Variants in NADK observed in about 807,000 individuals in gnomAD.
NADK encodes NAD kinase.
NADK carries 22 observed loss-of-function variants against 49.8 expected under a neutral mutation model. The ratio of observed to expected loss-of-function variants is 0.44; its 90% CI spans 0.32 to 0.63. The LOEUF (loss-of-function observed/expected upper bound fraction) is 0.63. Ranked by LOEUF, NADK falls within the 30% of genes least tolerant of loss-of-function variation. The pLI, the probability that NADK is intolerant of heterozygous loss-of-function variation, is 0.06. For synonymous variants in NADK, 268 were observed against 253.7 expected (o/e 1.06, Z -0.54); for missense variants, 438 against 609.4 (o/e 0.72, Z 2.96).
chr1:1,760,977 G>A (rs2100321614), intron 3 of NADK, among the ~76,000 whole-genome samples: 1 of 152,192 alleles, frequency 6.6e-6, no homozygotes, highest in Non-Finnish European at 1.5e-5. Flanking sequence ...CTACAGGTGT[G>A]TGCAACGATG....
rs1340366532 is a variant in NADK, at chr1:1,773,707, TGTGTGTGTGTGTGTGTGTGTGTGA to T, written c.-41+4558_-41+4581del. Among the ~76,000 whole-genome samples the T allele has an allele frequency of 1.8e-3, 197 of 107,140 alleles. 3 individuals carry two copies. Among genetic ancestry groups the T allele is most frequent in the Middle Eastern group, 4.5e-3 (1 of 224 alleles). 70.3% of individuals were successfully genotyped at this position (107,140 alleles called of 152,430 possible). A position where few individuals can be genotyped will look rare whatever the true frequency, so the allele number is the denominator to read the frequency against. On this transcript the variant is annotated intron_variant, in intron 1 of 11. Transcript: ENST00000341426. ...GTGTGTGTGTGTGTGTGTGTGTGTG[TGTGTGTGTGTGTGTGTGTGTGTGA>T]GAGAGAGAGAGAAATAGAGATATTG...
At chr1:1,756,161 A>G in intron 6 of NADK, 97 bp downstream of exon 6, 1 of 1,171,408 alleles carries the variant, frequency 8.5e-7, no homozygotes, top group Non-Finnish European at 1.3e-6. Context: ...CTCTCGTATA[A>G]AGGGGTGAAA....
At chr1:1,777,027 A>AT (rs1646232457) in intron 1 of NADK, among the ~76,000 whole-genome samples, 1 of 152,186 alleles carries the variant, frequency 6.6e-6, no homozygotes, top group Non-Finnish European at 1.5e-5. Flanking sequence ...ACAGTGAGCT[A>AT]TAATCATGCC....
chr1:1,775,462 T>G (rs1394527984), intron 1 of NADK, among the ~76,000 whole-genome samples: 4 of 152,252 alleles, frequency 2.6e-5, no homozygotes, highest in Non-Finnish European at 5.9e-5. Context: ...TAATGCCCAG[T>G]GCTGGCATGC....
chr1:1,758,350 C>G (rs376837006), intron 3 of NADK: 11 of 1,592,850 alleles, frequency 6.9e-6, no homozygotes, highest in Non-Finnish European at 7.7e-6. Context: ...CCTTCGGAAG[C>G]TGGTCAGCAC....
intron 3 of NADK, chr1:1,759,759 CCTCGGGCAG>C: frequency 6.4e-7 from 1 of 1,555,982 alleles, no homozygotes; most frequent in Non-Finnish European, 8.7e-7. Context: ...GGCTGTCTGG[CCTCGGGCAG>C]CTCGGGGACC....
At chr1:1,763,716 C>T (rs1488313677) in intron 2 of NADK, among the ~76,000 whole-genome samples, 1 of 151,788 alleles carries the variant, frequency 6.6e-6, no homozygotes, top group Non-Finnish European at 1.5e-5. Context: ...CAATGTTTCT[C>T]GAAGTGGGTG....
chr1:1,759,375 G>GA, intron 3 of NADK: 1 of 1,312,926 alleles, frequency 7.6e-7, no homozygotes, highest in Non-Finnish European at 1.0e-6. Context: ...GGGGTGGCGT[G>GA]AAGCCAGCAT....
In NADK at chr1:1,752,879, A is replaced by T. The variant is rs1295326695; in HGVS notation, c.*25T>A. 6.2e-6 allele frequency: 10 copies of T among 1,604,782 alleles called. No homozygotes were observed. Among genetic ancestry groups the T allele is most frequent in the Non-Finnish European group, 8.5e-6 (10 of 1,174,564 alleles). ...AGGGCGCTTGGAGGGCAGCGGAAGG[A>T]TTCGGGCCTGGATAGGGGCTTGACC... On this transcript the variant is annotated 3_prime_UTR_variant, in exon 12 of 12. Coordinates refer to ENST00000341426, the MANE Select transcript of NADK (RefSeq NM_023018.5).
intron 4 of NADK, 152 bp downstream of exon 4, chr1:1,757,029 C>T (rs959297475): frequency 2.3e-4 from 275 of 1,217,412 alleles, no homozygotes; most frequent in Non-Finnish European, 3.0e-4. Flanking sequence ...ACCCAGACAC[C>T]CGGCAGATCC....
chr1:1,759,857 G>A (rs774726062), intron 3 of NADK: 260 of 1,550,652 alleles, frequency 1.7e-4, no homozygotes, highest in Middle Eastern at 1.7e-3. Flanking sequence ...AGTGACTGAC[G>A]GCTGGTGAAG....
intron 2 of NADK, among the ~76,000 whole-genome samples, chr1:1,763,532 T>C (rs771308260): frequency 1.4e-5 from 2 of 145,814 alleles, no homozygotes; most frequent in Non-Finnish European, 3.0e-5. Flanking sequence ...GGCAGGAGAA[T>C]CACTTGAACT....
upstream of NADK, chr1:1,778,702 CG>C (rs1356864674): frequency 3.3e-5 from 5 of 151,724 alleles, no homozygotes; most frequent in Non-Finnish European, 5.9e-5. This position sits in a 1 kb window ranked among gnomAD's most constrained non-coding sequence, Gnocchi z 4.9. Context: ...AGGCGGGGGT[CG>C]GCGCCCCGAG....
At chr1:1,774,935 G>A (rs1336625989) in intron 1 of NADK, among the ~76,000 whole-genome samples, 4 of 151,776 alleles carry the variant, frequency 2.6e-5, no homozygotes, top group East Asian at 1.9e-4. Context: ...GTGAAACTCC[G>A]TCTCTACTAA....
intron 2 of NADK, among the ~76,000 whole-genome samples, chr1:1,762,626 G>A (rs1409810820): frequency 2.6e-5 from 4 of 152,226 alleles, no homozygotes; most frequent in Non-Finnish European, 2.9e-5. Flanking sequence ...GCCTGGTGGC[G>A]TGTGCCTGCA....
At chr1:1,772,383 C>T (rs937659693) in intron 1 of NADK, among the ~76,000 whole-genome samples, 3 of 152,174 alleles carry the variant, frequency 2.0e-5, no homozygotes, top group Non-Finnish European at 2.9e-5. Context: ...AGGCTGACCT[C>T]GAACTCCTGG....
rs1271493741 is a variant in NADK, at chr1:1,756,103, C to G, written c.585+155G>C. 14 of 717,632 alleles carry G rather than the reference C, an allele frequency of 2.0e-5. No homozygotes were observed. The Admixed American group carries it at 3.1e-4, about 16-fold the overall frequency. 44.5% of individuals were successfully genotyped at this position (717,632 alleles called of 1,614,324 possible). A position where few individuals can be genotyped will look rare whatever the true frequency, so the allele number is the denominator to read the frequency against. Reference sequence around the variant, plus strand: ...TGCCCCTGGCCCCACCGTCGCACCCCACCGGGCTGCCACCATGGGCCTCAG... The same window carrying G: ...TGCCCCTGGCCCCACCGTCGCACCCGACCGGGCTGCCACCATGGGCCTCAG... On this transcript the variant is annotated intron_variant, in intron 6 of 11. Transcript: ENST00000341426.
In NADK at chr1:1,762,030, G is replaced by A. The variant is rs1269079044; in HGVS notation, c.185C>T (p.Thr62Ile). 1 of 1,613,978 alleles carries A rather than the reference G, an allele frequency of 6.2e-7. No individual in the cohort carries two copies. The highest frequency in any genetic ancestry group is 8.5e-7 in the Non-Finnish European group (1 of 1,179,974). ...CGGGCATGGCCCATGAAGAGAGCGT[G>A]TCCTCCTGTGGGGAGAGGGCAGTGT... ...ALGSTKEFRR[T>I]RSLHGPCPVT... The change falls in exon 3 of 12, where the codon ACA becomes ATA. Residue 62 changes from threonine (T) to isoleucine (I), a missense_variant. Coordinates refer to ENST00000341426, the MANE Select transcript of NADK (RefSeq NM_023018.5).
Position 1,765,221 on chromosome 1 carries a change from G to C in NADK, c.179+7C>G. The C allele has an allele frequency of 6.3e-7, 1 of 1,579,066 alleles. No individual in the cohort carries two copies. Among genetic ancestry groups the C allele is most frequent in the Non-Finnish European group, 8.6e-7 (1 of 1,165,582 alleles). Reference sequence around the variant, plus strand: ...AAAAAAAGAGGAACCATCCCTCCCAGTTGTACCTGAACTCCTTGGTGCTCC... The same window carrying C: ...AAAAAAAGAGGAACCATCCCTCCCACTTGTACCTGAACTCCTTGGTGCTCC... On this transcript the variant is annotated splice_region_variant and intron_variant, in intron 2 of 11. Coordinates refer to ENST00000341426, the MANE Select transcript of NADK (RefSeq NM_023018.5).
Sources: allele counts gnomAD v4.1 joint callset (sites outside exome capture counted in the v4.1 genomes callset), GRCh38; gene constraint gnomAD v4.1.1; non-coding constraint Gnocchi (gnomAD v3.1); transcripts MANE v1.5; gene names NCBI Gene and HGNC (gene_info 2026-07-23, HGNC 2026-07-21).